The following ZNF93 variants were observed in gnomAD, a reference collection of about 807,000 sequenced individuals.
ZNF93 encodes the protein zinc finger protein 505.
In ZNF93, 29 loss-of-function variants were observed where a neutral mutation model predicts 45.0. The ratio of observed to expected loss-of-function variants is 0.64; its 90% CI spans 0.48 to 0.88. The LOEUF is 0.88. ZNF93 is among the 40% of genes least tolerant of loss of function. The pLI is 0.00. For missense variants in ZNF93, 578 were observed against 724.0 expected, an observed-to-expected ratio of 0.80 and a Z score of 2.31; for synonymous variants, 223 against 244.6, an observed-to-expected ratio of 0.91 and a Z score of 0.82.
chr19:19,905,890 C>T (rs138937066), intron 1 of ZNF93, among the ~76,000 whole-genome samples: 5 of 152,286 alleles, frequency 3.3e-5, no homozygotes, highest in African/African-American at 1.2e-4. Context: ...CCGCATCTGA[C>T]CATACTGTAT....
In ZNF93 at chr19:19,916,659, G is replaced by C; in HGVS notation, c.226+4G>C. On this transcript the variant is annotated splice_donor_region_variant and intron_variant, in intron 3 of 3. Coordinates refer to ENST00000343769, the MANE Select transcript of ZNF93 (RefSeq NM_031218.4). ...GAGATGGTAGCCAACCCCTCAGGTA[G>C]GTGTGAGTGAAAATGAATACAACAG... The C allele has an allele frequency of 6.3e-7, 1 of 1,599,802 alleles. No homozygotes were observed. The highest frequency in any genetic ancestry group is 1.1e-5 in the South Asian group (1 of 89,198).
At chr19:19,923,950 G>A (rs2063349044) in intron 3 of ZNF93, among the ~76,000 whole-genome samples, 1 of 152,188 alleles carries the variant, frequency 6.6e-6, no homozygotes. Context: ...ACAATTCCCA[G>A]TGAGATGAAC....
intron 3 of ZNF93, among the ~76,000 whole-genome samples, chr19:19,931,852 T>C (rs1455305775): frequency 6.6e-6 from 1 of 152,208 alleles, no homozygotes; most frequent in Non-Finnish European, 1.5e-5. Flanking sequence ...ATAAATAATA[T>C]CTTAGTAATC....
intron 1 of ZNF93, among the ~76,000 whole-genome samples, chr19:19,905,851 C>G (rs2122161258): frequency 6.6e-6 from 1 of 152,226 alleles, no homozygotes; most frequent in East Asian, 1.9e-4. Context: ...CTCAGCCTCC[C>G]AAAGTGCTGG....
At chr19:19,918,445 A>G (rs1269932342) in intron 3 of ZNF93, among the ~76,000 whole-genome samples, 1 of 152,182 alleles carries the variant, frequency 6.6e-6, no homozygotes, top group Non-Finnish European at 1.5e-5. Context: ...AGCATGATTT[A>G]TAATCCTTTG....
rs536495407 is a variant in ZNF93 at position 19,905,391 on chromosome 19, A to G, written c.3+4300A>G. On this transcript the variant is annotated intron_variant, in intron 1 of 3. Coordinates refer to ENST00000343769, the MANE Select transcript of ZNF93 (RefSeq NM_031218.4). Reference sequence around the variant, plus strand: ...CACCCTCCACCCTCAACTAGGCCTCAGTGTCTGTTGTTTTTCTCTTTGTGT... The same window carrying G: ...CACCCTCCACCCTCAACTAGGCCTCGGTGTCTGTTGTTTTTCTCTTTGTGT... 9.2e-5 allele frequency among the ~76,000 whole-genome samples: 14 copies of G among 152,144 alleles called. No individual in the cohort carries two copies. The South Asian group carries it at 2.9e-3, about 32-fold the overall frequency.
intron 2 of ZNF93, among the ~76,000 whole-genome samples, chr19:19,915,842 G>A (rs1408910810): frequency 1.3e-5 from 2 of 151,854 alleles, no homozygotes; most frequent in Non-Finnish European, 2.9e-5. Context: ...ATTACTTCTC[G>A]AGAAAAAAAC....
chr19:19,915,258 A>T, intron 1 of ZNF93, 22 bp from the exon 2 acceptor site: 1 of 1,613,344 alleles, frequency 6.2e-7, no homozygotes, highest in Non-Finnish European at 8.5e-7. Flanking sequence ...ACTTGGTGAA[A>T]ATGTGTGTGT....
chr19:19,930,602 C>CCT (rs2063370813), intron 3 of ZNF93, among the ~76,000 whole-genome samples: 2 of 148,706 alleles, frequency 1.3e-5, no homozygotes. Context: ...ACCAAGGAGC[C>CCT]CTCTGGTGGC....
At chr19:19,916,709 C>T in intron 3 of ZNF93, 54 bp downstream of exon 3, 1 of 1,333,008 alleles carries the variant, frequency 7.5e-7, no homozygotes, top group Non-Finnish European at 1.0e-6. Flanking sequence ...GGTCCCAAGG[C>T]CAAAGAGAAA....
intron 3 of ZNF93, chr19:19,932,843 TTTG>T (rs1311573393): frequency 1.2e-5 from 2 of 160,146 alleles, no homozygotes; most frequent in African/African-American, 4.8e-5. Context: ...TACTTTTAAA[TTTG>T]TTGTTTTTAT....
intron 1 of ZNF93, 91 bp from the exon 2 acceptor site, chr19:19,915,189 C>A (rs2063320034): frequency 6.2e-7 from 1 of 1,603,606 alleles, no homozygotes; most frequent in African/African-American, 1.3e-5. Flanking sequence ...TAAGTCAGAA[C>A]CACTTCTCTT....
chr19:19,928,996 C>A (rs1318325353), intron 3 of ZNF93, among the ~76,000 whole-genome samples: 3 of 152,008 alleles, frequency 2.0e-5, no homozygotes, highest in Non-Finnish European at 4.4e-5. Flanking sequence ...AATATAAATC[C>A]TCAATGTTGG....
At chr19:19,919,397 G>C (rs1420003381) in intron 3 of ZNF93, among the ~76,000 whole-genome samples, 3 of 152,154 alleles carry the variant, frequency 2.0e-5, no homozygotes, top group Non-Finnish European at 4.4e-5. Context: ...GATGCCTCCA[G>C]CTTTGTTCTT....
intron 3 of ZNF93, among the ~76,000 whole-genome samples, chr19:19,923,220 G>C (rs1004956586): frequency 1.3e-5 from 2 of 152,144 alleles, no homozygotes; most frequent in Admixed American, 1.3e-4. Flanking sequence ...GTTTGCCTGG[G>C]TATCAGCAGC....
intron 3 of ZNF93, among the ~76,000 whole-genome samples, 164 bp downstream of exon 3, chr19:19,916,819 A>G (rs1166621916): frequency 6.6e-6 from 1 of 152,130 alleles, no homozygotes; most frequent in Admixed American, 6.6e-5. Flanking sequence ...TTTTGTTCTC[A>G]CAAAGGGACA....
At chr19:19,921,362 C>G (rs2063342086) in intron 3 of ZNF93, among the ~76,000 whole-genome samples, 2 of 151,924 alleles carry the variant, frequency 1.3e-5, no homozygotes, top group African/African-American at 4.8e-5. Flanking sequence ...TTACTTCCAA[C>G]TATGTGGTCA....
intron 3 of ZNF93, among the ~76,000 whole-genome samples, chr19:19,931,066 A>T (rs1346786639): frequency 6.6e-6 from 1 of 151,606 alleles, no homozygotes; most frequent in Non-Finnish European, 1.5e-5. Flanking sequence ...ATGCTAAAGT[A>T]AGTCCCTTGT....
intron 1 of ZNF93, among the ~76,000 whole-genome samples, chr19:19,903,473 T>C (rs1050933008): frequency 6.6e-6 from 1 of 152,064 alleles, no homozygotes; most frequent in Non-Finnish European, 1.5e-5. Flanking sequence ...CGGTGGCTTA[T>C]GCCTTTGGGA....
Sources: gnomAD v4.1 joint callset for allele counts (sites outside exome capture counted in the v4.1 genomes callset) on GRCh38, gnomAD v4.1.1 for gene constraint, MANE v1.5 for transcripts, NCBI Gene and HGNC (gene_info 2026-07-23, HGNC 2026-07-21) for gene names.